Variants in RAD51B observed in about 807,000 individuals in gnomAD.
The protein encoded by RAD51B is RAD51 paralog B, also known as DNA repair protein RAD51 homolog 2.
RAD51B carries 38 observed loss-of-function variants against 42.2 expected under a neutral mutation model. The observed-to-expected ratio is 0.90, with a 90% confidence interval of 0.70 to 1.18. The LOEUF is 1.18. RAD51B is among the 50% of genes most tolerant of loss of function. The pLI, the probability that RAD51B is intolerant of heterozygous loss-of-function variation, is 0.00. For missense variants in RAD51B, 373 were observed against 400.7 expected (o/e 0.93, Z 0.59); for synonymous variants, 154 against 145.2 (o/e 1.06, Z -0.43).
intron 10 of RAD51B, among the ~76,000 whole-genome samples, chr14:68,517,261 G>C (rs1485383588): frequency 1.3e-5 from 2 of 152,020 alleles, no homozygotes; most frequent in African/African-American, 2.4e-5. Context: ...GAAGGGGAAG[G>C]GAGGCAGAGA....
In RAD51B at chr14:68,602,931, C is replaced by T. The variant is rs141771318; in HGVS notation, c.1037-8075C>T. ...CTTCCCTGCTCCAAAACCTAAACAC[C>T]CATATGCCTGACATGCAATAGGGAC... On this transcript the variant is annotated intron_variant, in intron 10 of 10. Transcript: ENST00000487861. Among the ~76,000 whole-genome samples the T allele has an allele frequency of 2.6e-3, 393 of 152,278 alleles. 3 individuals carry two copies. Among genetic ancestry groups the T allele is most frequent in the African/African-American group, 9.1e-3 (379 of 41,534 alleles).
At chr14:68,379,192 C>T (rs117222250) in intron 8 of RAD51B, among the ~76,000 whole-genome samples, 5 of 152,108 alleles carry the variant, frequency 3.3e-5, no homozygotes, top group African/African-American at 9.7e-5. Context: ...TCACCCAGTC[C>T]GGTTCCTGGT....
intron 3 of RAD51B, among the ~76,000 whole-genome samples, chr14:67,830,874 A>G (rs1019748261): frequency 2.0e-4 from 30 of 148,342 alleles, no homozygotes; most frequent in African/African-American, 6.6e-4. Flanking sequence ...CATAGATTCA[A>G]TTTAGTACTT....
rs1376796818 is a variant in RAD51B at position 68,464,062 on chromosome 14, A to G, written c.958-4110A>G. ...ATGAATCATTGGTGCTCTGTTCTCA[A>G]GGACAAGGCATTTCATTTAGTTCAA... On this transcript the variant is annotated intron_variant, in intron 9 of 10. Transcript: ENST00000471583. 2.6e-5 allele frequency among the ~76,000 whole-genome samples: 4 copies of G among 152,256 alleles called. No homozygotes were observed. In the East Asian group the frequency reaches 7.7e-4, roughly 29 times the overall value.
At chr14:68,212,209 A>G (rs1399214035) in intron 7 of RAD51B, among the ~76,000 whole-genome samples, 1 of 152,240 alleles carries the variant, frequency 6.6e-6, no homozygotes, top group East Asian at 1.9e-4. Context: ...TTAGTAAAAA[A>G]GGGAGATAAT....
intron 7 of RAD51B, among the ~76,000 whole-genome samples, chr14:68,244,543 T>C (rs1219074159): frequency 1.3e-5 from 2 of 152,200 alleles, no homozygotes; most frequent in African/African-American, 2.4e-5. Flanking sequence ...TGCTGGACAG[T>C]TGGAGGCTTT....
chr14:68,045,236 CAA>C (rs537073885), intron 7 of RAD51B, among the ~76,000 whole-genome samples: 5 of 22,078 alleles, frequency 2.3e-4, no homozygotes, highest in African/African-American at 9.0e-4. Flanking sequence ...AACTCTGTCT[CAA>C]AAAAAAAAAA....
intron 8 of RAD51B, among the ~76,000 whole-genome samples, chr14:68,355,110 A>G (rs1026720493): frequency 2.6e-5 from 4 of 152,178 alleles, no homozygotes; most frequent in African/African-American, 4.8e-5. Context: ...CAGCCGCCCA[A>G]TGGGAGCTCC....
At chr14:68,616,112 T>A (rs1278020930), downstream of RAD51B, among the ~76,000 whole-genome samples, 1 of 152,220 alleles carries the variant, frequency 6.6e-6, no homozygotes, top group Non-Finnish European at 1.5e-5. Flanking sequence ...ATTTTATTTC[T>A]GCATATGTTA....
At chr14:68,669,746 T>C (rs1247782843) in intron 11 of RAD51B, among the ~76,000 whole-genome samples, 1 of 152,104 alleles carries the variant, frequency 6.6e-6, no homozygotes, top group African/African-American at 2.4e-5. Context: ...AGTAAGAGCT[T>C]TGTGAAATTT....
intron 4 of RAD51B, among the ~76,000 whole-genome samples, chr14:67,856,217 C>T (rs558058194): frequency 1.7e-4 from 26 of 152,230 alleles, no homozygotes; most frequent in African/African-American, 4.6e-4. Flanking sequence ...ACTTCCAAAA[C>T]GGCAGCTGTC....
At position 68,174,379 on chromosome 14, in the gene RAD51B, C is replaced by CAA. The variant is rs5809370; in HGVS notation, c.757-117496_757-117495dup. Among the ~76,000 whole-genome samples the CAA allele has an allele frequency of 4.2e-3, 613 of 144,584 alleles. 2 individuals are homozygous for CAA. The highest frequency in any genetic ancestry group is 0.012 in the African/African-American group (461 of 39,030). 94.9% of individuals were successfully genotyped at this position (144,584 alleles called of 152,430 possible). A position where few individuals can be genotyped will look rare whatever the true frequency, so the allele number is the denominator to read the frequency against. The stretch of plus-strand genomic sequence containing the variant: ...GGCAAAAAAAGTGAGACCCTGTCTC[C>CAA]AAAAAAAAAAGAAAAAAAAAGTGGT... On this transcript the variant is annotated intron_variant, in intron 7 of 10. Coordinates refer to ENST00000471583, the MANE Select transcript of RAD51B (RefSeq NM_133510.4).
At chr14:68,014,427 A>T (rs1281123206) in intron 7 of RAD51B, among the ~76,000 whole-genome samples, 1 of 152,106 alleles carries the variant, frequency 6.6e-6, no homozygotes, top group Admixed American at 6.6e-5. Flanking sequence ...CATTTGTGAC[A>T]CAGTTACACC....
intron 1 of RAD51B, among the ~76,000 whole-genome samples, chr14:67,820,494 C>G (rs934760337): frequency 1.4e-4 from 22 of 151,978 alleles, no homozygotes; most frequent in African/African-American, 5.3e-4. Flanking sequence ...CAGGGTTGAC[C>G]GTCTCCCCTC....
chr14:67,931,034 C>G (rs1413253561), intron 7 of RAD51B, among the ~76,000 whole-genome samples: 5 of 152,084 alleles, frequency 3.3e-5, no homozygotes, highest in African/African-American at 1.2e-4. Context: ...CATTCTCCTG[C>G]CTCAGCCTCC....
At chr14:68,621,796 A>AT (rs5809387) in intron 10 of RAD51B, among the ~76,000 whole-genome samples, 137,383 of 152,282 alleles carry the variant, frequency 0.9, 62,197 homozygotes, top group African/African-American at 0.97. Context: ...GAATAAAACA[A>AT]GCTGTCAGCA....
chr14:68,436,469 A>G (rs2331702), intron 9 of RAD51B, among the ~76,000 whole-genome samples: 73,550 of 151,746 alleles, frequency 0.48, 18,886 homozygotes, highest in African/African-American at 0.66. Flanking sequence ...TTCTGGCTTT[A>G]TTATTTCTGC....
chr14:68,113,055 G>A (rs900548537), intron 7 of RAD51B, among the ~76,000 whole-genome samples: 11 of 151,988 alleles, frequency 7.2e-5, no homozygotes, highest in Non-Finnish European at 8.8e-5. Flanking sequence ...GAGTACAATA[G>A]CATATTTATG....
At chr14:67,829,619 C>G (rs2040963701) in intron 3 of RAD51B, among the ~76,000 whole-genome samples, 1 of 152,084 alleles carries the variant, frequency 6.6e-6, no homozygotes, top group Non-Finnish European at 1.5e-5. Context: ...GTTGTTGGTG[C>G]ATTGGCTTAG....
Sources: allele counts gnomAD v4.1 joint callset (sites outside exome capture counted in the v4.1 genomes callset), GRCh38; gene constraint gnomAD v4.1.1; transcripts MANE v1.5; gene names NCBI Gene and HGNC (gene_info 2026-07-23, HGNC 2026-07-21).